The following HTT variants were observed in gnomAD, a reference collection of about 807,000 sequenced individuals.
The protein encoded by HTT is huntingtin, also known as huntington disease protein.
HTT carries 104 observed loss-of-function variants against 362.3 expected under a neutral mutation model. That is an observed-to-expected ratio of 0.29 (90% CI 0.24 to 0.34). HTT has a LOEUF of 0.34. Ranked by LOEUF, HTT falls within the 10% of genes least tolerant of loss-of-function variation. HTT has a pLI of 1.00. For missense variants in HTT, 3,301 were observed against 3,928.6 expected (o/e 0.84, Z 4.27); for synonymous variants, 1,577 against 1,548.7 (o/e 1.02, Z -0.43).
intron 19 of HTT, among the ~76,000 whole-genome samples, chr4:3,135,557 C>A (rs551543811): frequency 6.6e-6 from 1 of 151,894 alleles, no homozygotes; most frequent in Non-Finnish European, 1.5e-5. Flanking sequence ...CAGATAGGGA[C>A]GCTGAGCGTG....
intron 29 of HTT, among the ~76,000 whole-genome samples, chr4:3,168,413 A>G (rs1717813981): frequency 1.3e-5 from 2 of 152,194 alleles, no homozygotes; most frequent in Non-Finnish European, 1.5e-5. Flanking sequence ...GAGTTTACCT[A>G]GTTCCAGGAT....
At chr4:3,098,078 C>T (rs995937966) in intron 2 of HTT, among the ~76,000 whole-genome samples, 3 of 152,176 alleles carry the variant, frequency 2.0e-5, no homozygotes, top group Non-Finnish European at 2.9e-5. Flanking sequence ...ACTTTTGATG[C>T]GTCAGCTAGG....
intron 6 of HTT, among the ~76,000 whole-genome samples, chr4:3,113,812 G>T (rs1176197899): frequency 2.6e-5 from 4 of 151,690 alleles, no homozygotes; most frequent in Admixed American, 1.3e-4. Flanking sequence ...CCTGTGGCTG[G>T]CAAGGAGAGA....
intron 6 of HTT, among the ~76,000 whole-genome samples, chr4:3,107,792 G>A (rs1359925760): frequency 1.3e-5 from 2 of 152,206 alleles, no homozygotes; most frequent in African/African-American, 4.8e-5. Context: ...GGGTCTGAAC[G>A]TCCTGCAGCT....
intron 22 of HTT, among the ~76,000 whole-genome samples, chr4:3,142,267 A>C (rs747749468): frequency 6.6e-6 from 1 of 152,200 alleles, no homozygotes; most frequent in Non-Finnish European, 1.5e-5. Context: ...AGGGATACAA[A>C]ATCAGATTGG....
At position 3,206,246 on chromosome 4, in the gene HTT, T is replaced by C. The variant is rs1282924172; in HGVS notation, c.5719-250T>C. Among the ~76,000 whole-genome samples the C allele has an allele frequency of 6.6e-6, 1 of 152,248 alleles. No individual in the cohort carries two copies. The highest frequency in any genetic ancestry group is 1.5e-5 in the Non-Finnish European group (1 of 68,026). ...TTAGTGTCTCTGAGAGCTGGACTGC[T>C]GTACCCTACTTCCCCAGGGGGCCTA... On this transcript the variant is annotated intron_variant, in intron 42 of 66. Transcript: ENST00000355072. This position sits in a 1 kb window ranked among gnomAD's most constrained non-coding sequence, Gnocchi z 4.6.
chr4:3,109,573 A>T (rs568387150), intron 6 of HTT, among the ~76,000 whole-genome samples: 10 of 151,744 alleles, frequency 6.6e-5, no homozygotes, highest in African/African-American at 2.2e-4. Flanking sequence ...TTTTTTTTCA[A>T]TTTTAGACAT....
intron 26 of HTT, among the ~76,000 whole-genome samples, chr4:3,150,499 G>A (rs1578540042): frequency 6.6e-6 from 1 of 152,070 alleles, no homozygotes; most frequent in South Asian, 2.1e-4. Flanking sequence ...TTGTGGATAT[G>A]TCAGACACGG....
At chr4:3,191,046 G>A (rs769932421) in intron 40 of HTT, among the ~76,000 whole-genome samples, 5 of 152,134 alleles carry the variant, frequency 3.3e-5, no homozygotes, top group African/African-American at 9.7e-5. Flanking sequence ...TCCTTTAAGC[G>A]GCTTAGGAGT....
At chr4:3,078,748 C>T (rs894003013) in intron 1 of HTT, among the ~76,000 whole-genome samples, 3 of 142,178 alleles carry the variant, frequency 2.1e-5, no homozygotes, top group Non-Finnish European at 3.1e-5. Flanking sequence ...TTTTTTTTTT[C>T]CCCCGAGACG....
At chr4:3,162,575 T>C (rs1413065041) in intron 29 of HTT, among the ~76,000 whole-genome samples, 6 of 152,244 alleles carry the variant, frequency 3.9e-5, no homozygotes, top group Non-Finnish European at 8.8e-5. Flanking sequence ...TGTTTTTCTA[T>C]TTGTTTGTGT....
At chr4:3,087,179 A>G (rs910969022) in intron 2 of HTT, among the ~76,000 whole-genome samples, 157 bp downstream of exon 2, 1 of 152,248 alleles carries the variant, frequency 6.6e-6, no homozygotes, top group Admixed American at 6.5e-5. Context: ...GGCTATATAC[A>G]AGGATATCCA....
chr4:3,122,967 T>C, intron 10 of HTT, 31 bp downstream of exon 10: 1 of 1,545,320 alleles, frequency 6.5e-7, no homozygotes, highest in Admixed American at 1.7e-5. Context: ...AGTCTTGTGT[T>C]GAATCTTACT....
chr4:3,081,553 T>TC (rs1712901964), intron 1 of HTT, among the ~76,000 whole-genome samples: 2 of 126,382 alleles, frequency 1.6e-5, no homozygotes, highest in African/African-American at 7.2e-5. Flanking sequence ...AGCATTTCTT[T>TC]TTTTTTTTTT....
intron 18 of HTT, among the ~76,000 whole-genome samples, chr4:3,133,524 TAAAA>T (rs59648129): frequency 0.26 from 32,607 of 125,358 alleles, 4,697 homozygotes; most frequent in East Asian, 0.44. Flanking sequence ...TCAGTTGAAT[TAAAA>T]AAAAAAAAAA....
At chr4:3,121,964 C>T (rs911886763) in intron 9 of HTT, among the ~76,000 whole-genome samples, 1 of 152,248 alleles carries the variant, frequency 6.6e-6, no homozygotes, top group African/African-American at 2.4e-5. Flanking sequence ...TTTTCTCTGC[C>T]TTGGCTGCCT....
chr4:3,134,241 T>C (rs1369754597), intron 18 of HTT, among the ~76,000 whole-genome samples, 160 bp from the exon 19 acceptor site: 6 of 152,248 alleles, frequency 3.9e-5, no homozygotes. Flanking sequence ...TAAAGTATTC[T>C]TAATCAATGT....
chr4:3,093,765 T>TAA (rs1713643911), intron 2 of HTT, among the ~76,000 whole-genome samples: 1 of 150,828 alleles, frequency 6.6e-6, no homozygotes, highest in African/African-American at 2.4e-5. Context: ...GATGAAGCTA[T>TAA]AAGCCAAGGA....
At chr4:3,223,922 G>A (rs1213985286) in intron 55 of HTT, 70 bp from the exon 56 acceptor site, 1 of 1,541,136 alleles carries the variant, frequency 6.5e-7, no homozygotes, top group East Asian at 2.2e-5. Context: ...CGGAGGGAAA[G>A]TTCTGGTGTT....
Sources: gnomAD v4.1 joint callset for allele counts (sites outside exome capture counted in the v4.1 genomes callset) on GRCh38, gnomAD v4.1.1 for gene constraint, Gnocchi (gnomAD v3.1) non-coding constraint, MANE v1.5 for transcripts, NCBI Gene and HGNC (gene_info 2026-07-23, HGNC 2026-07-21) for gene names.